SPART: variants seen among roughly 807,000 people sequenced by gnomAD.
SPART encodes spastic paraplegia 20 (Troyer syndrome).
In SPART, 35 loss-of-function variants were observed where a neutral mutation model predicts 58.7. That is an observed-to-expected ratio of 0.60 (90% CI 0.46 to 0.79). The LOEUF is 0.79. Among genes scored for constraint, SPART ranks in the 30% least tolerant of loss-of-function variants. SPART has a pLI of 0.00. For missense variants in SPART, 730 were observed against 786.1 expected (o/e 0.93, Z 0.85); for synonymous variants, 284 against 280.7 (o/e 1.01, Z -0.12).
At chr13:36,342,346 T>C (rs1884660168) in intron 1 of SPART, among the ~76,000 whole-genome samples, 2 of 152,210 alleles carry the variant, frequency 1.3e-5, no homozygotes, top group African/African-American at 4.8e-5. Context: ...GAATTACTTT[T>C]ACATTTTTTA....
At chr13:36,332,068 T>C (rs1273488720) in intron 2 of SPART, among the ~76,000 whole-genome samples, 1 of 152,014 alleles carries the variant, frequency 6.6e-6, no homozygotes, top group Non-Finnish European at 1.5e-5. Context: ...ATTGTCATTT[T>C]ATGTACAAGA....
In SPART at chr13:36,359,615, A is replaced by G. The variant is rs1477689569; in HGVS notation, c.-3+10474T>C. ...TTGGCTTGTTGAGAAAGCAGTAACA[A>G]CTTCATAGGATTGTATTTGGGATTA... On this transcript the variant is annotated intron_variant, in intron 1 of 8. Coordinates refer to the SPART transcript ENST00000355182. Among the ~76,000 whole-genome samples, 7 of 152,304 alleles carry G rather than the reference A, an allele frequency of 4.6e-5. No homozygotes were observed. In the East Asian group the frequency reaches 1.4e-3, roughly 29 times the overall value.
At chr13:36,359,928 A>AAAAAAC (rs1555266096) in intron 1 of SPART, among the ~76,000 whole-genome samples, 1 of 151,156 alleles carries the variant, frequency 6.6e-6, no homozygotes, top group African/African-American at 2.4e-5. Context: ...TAATTTAAAA[A>AAAAAAC]AAAAAAAAAA....
chr13:36,346,930 A>G (rs1235246196), upstream of SPART: 1 of 152,310 alleles, frequency 6.6e-6, no homozygotes, highest in Non-Finnish European at 1.5e-5. Context: ...TGACTTCTGT[A>G]TCCAGAGCAC....
intron 1 of SPART, among the ~76,000 whole-genome samples, chr13:36,355,562 C>T (rs1885589310): frequency 6.6e-6 from 1 of 152,196 alleles, no homozygotes; most frequent in Non-Finnish European, 1.5e-5. Context: ...ATATCTCCTA[C>T]TATATATGTT....
At chr13:36,349,075 C>T (rs1352367558), upstream of SPART, among the ~76,000 whole-genome samples, 2 of 152,110 alleles carry the variant, frequency 1.3e-5, no homozygotes, top group African/African-American at 2.4e-5. Flanking sequence ...ACCAGCCCGA[C>T]CAACATGAAG....
At chr13:36,325,158 C>T (rs758269789) in intron 5 of SPART, among the ~76,000 whole-genome samples, 3 of 152,080 alleles carry the variant, frequency 2.0e-5, no homozygotes, top group Non-Finnish European at 4.4e-5. Context: ...CTTGGGAAAA[C>T]GACCTTTGAA....
chr13:36,356,938 G>C (rs1566148264), intron 1 of SPART, among the ~76,000 whole-genome samples: 1 of 152,198 alleles, frequency 6.6e-6, no homozygotes, highest in Non-Finnish European at 1.5e-5. Flanking sequence ...GAAATGTAAA[G>C]ATAAGTGCTT....
intron 4 of SPART, among the ~76,000 whole-genome samples, chr13:36,328,450 T>C (rs1437401208): frequency 6.6e-6 from 1 of 152,188 alleles, no homozygotes; most frequent in Non-Finnish European, 1.5e-5. Context: ...AGACTCATTT[T>C]AGTTATAATG....
chr13:36,316,107 TC>T (rs1302813437), intron 5 of SPART, among the ~76,000 whole-genome samples: 2 of 152,354 alleles, frequency 1.3e-5, no homozygotes, highest in Non-Finnish European at 2.9e-5. Flanking sequence ...CATGTTTGCC[TC>T]CTATGCACTG....
intron 1 of SPART, chr13:36,365,359 CTGTGTG>C (rs539589838): frequency 2.1e-4 from 50 of 243,280 alleles, no homozygotes; most frequent in African/African-American, 8.7e-4. Context: ...TTTTCCTACT[CTGTGTG>C]TATGTGTATG....
chr13:36,327,662 A>T (rs751564219), intron 4 of SPART, among the ~76,000 whole-genome samples: 1 of 152,166 alleles, frequency 6.6e-6, no homozygotes, highest in African/African-American at 2.4e-5. Flanking sequence ...CTACGCATAA[A>T]ATATATCTAG....
At chr13:36,312,122 C>A in intron 8 of SPART, 23 bp downstream of exon 8, 1 of 1,593,338 alleles carries the variant, frequency 6.3e-7, no homozygotes, top group South Asian at 1.1e-5. Context: ...GAGATTTAGT[C>A]ATTAAAATAA....
chr13:36,360,365 C>T (rs550000778), intron 1 of SPART, among the ~76,000 whole-genome samples: 1 of 151,954 alleles, frequency 6.6e-6, no homozygotes, highest in Non-Finnish European at 1.5e-5. Context: ...GTTAGAGCTA[C>T]CCTAGTAAGT....
At chr13:36,352,786 C>CAAA (rs34599910) in intron 1 of SPART, among the ~76,000 whole-genome samples, 1 of 113,368 alleles carries the variant, frequency 8.8e-6, no homozygotes, top group Non-Finnish European at 1.8e-5. Flanking sequence ...ATCCCGTTTC[C>CAAA]AAAAAAAAAA....
chr13:36,370,004 C>T (rs575517021), intron 1 of SPART: 2 of 152,288 alleles, frequency 1.3e-5, no homozygotes, highest in East Asian at 3.9e-4. Flanking sequence ...CCGCCCAATA[C>T]CTTCTGAAAG....
intron 5 of SPART, among the ~76,000 whole-genome samples, chr13:36,322,907 A>G (rs1309794122): frequency 2.6e-5 from 4 of 152,222 alleles, no homozygotes; most frequent in Admixed American, 2.0e-4. Context: ...TACTAGGCCA[A>G]TGGAGTCCCA....
chr13:36,334,522 A>G (rs928344785), intron 2 of SPART, among the ~76,000 whole-genome samples: 1 of 152,208 alleles, frequency 6.6e-6, no homozygotes, highest in African/African-American at 2.4e-5. Context: ...GTAGCAATCA[A>G]CTTCCAGTAT....
chr13:36,316,461 A>G (rs192530614), intron 5 of SPART, among the ~76,000 whole-genome samples: 27 of 152,292 alleles, frequency 1.8e-4, no homozygotes, highest in Non-Finnish European at 3.1e-4. Flanking sequence ...ATTCTACCAC[A>G]AAAGAAGTGT....
Sources: allele counts gnomAD v4.1 joint callset (sites outside exome capture counted in the v4.1 genomes callset), GRCh38; gene constraint gnomAD v4.1.1; transcripts MANE v1.5; gene names NCBI Gene and HGNC (gene_info 2026-07-23, HGNC 2026-07-21).